The following PRKN variants were observed in gnomAD, a reference collection of about 807,000 sequenced individuals.
PRKN encodes E3 ubiquitin-protein ligase parkin.
PRKN carries 56 observed loss-of-function variants against 59.5 expected under a neutral mutation model. That is an observed-to-expected ratio of 0.94 (90% CI 0.76 to 1.18). PRKN has a LOEUF of 1.18. Ranked by LOEUF, PRKN falls within the 50% of genes most tolerant of loss-of-function variation. The probability of loss-of-function intolerance (pLI) is 0.00; values close to 1 mark genes in which losing one functional copy is unlikely to be tolerated. For missense variants in PRKN, 657 were observed against 596.4 expected, an observed-to-expected ratio of 1.10 and a Z score of -1.06; for synonymous variants, 250 against 222.1, an observed-to-expected ratio of 1.13 and a Z score of -1.12.
intron 9 of PRKN, among the ~76,000 whole-genome samples, chr6:161,505,034 A>T (rs1175415164): frequency 5.9e-5 from 9 of 151,530 alleles, no homozygotes; most frequent in Admixed American, 3.9e-4. Context: ...CTTTGGGTGT[A>T]TATCCAGTAA....
chr6:162,062,269 C>T (rs1333771953), intron 4 of PRKN, among the ~76,000 whole-genome samples: 1 of 152,090 alleles, frequency 6.6e-6, no homozygotes, highest in African/African-American at 2.4e-5. Flanking sequence ...ATAAATGCAA[C>T]AACATTAACA....
chr6:162,423,352 C>T (rs1789074233), intron 2 of PRKN, among the ~76,000 whole-genome samples: 2 of 152,048 alleles, frequency 1.3e-5, no homozygotes, highest in Non-Finnish European at 2.9e-5. Context: ...TAGGAAATTC[C>T]CCAATCCTAG....
chr6:161,932,059 A>G (rs1779185982), intron 6 of PRKN, among the ~76,000 whole-genome samples: 1 of 152,144 alleles, frequency 6.6e-6, no homozygotes, highest in East Asian at 1.9e-4. Flanking sequence ...TTTTAATGCT[A>G]AAGTTCACAG....
chr6:161,609,806 G>A (rs1473688003), intron 7 of PRKN, among the ~76,000 whole-genome samples: 1 of 152,158 alleles, frequency 6.6e-6, no homozygotes, highest in Non-Finnish European at 1.5e-5. Flanking sequence ...AGTGCCTGGG[G>A]GCTGGACTAC....
In PRKN at chr6:161,703,839, C is replaced by CTTTTTTTTT. The variant is rs71004062; in HGVS notation, c.871+81924_871+81932dup. On this transcript the variant is annotated intron_variant, in intron 7 of 11. Coordinates refer to ENST00000366898, the MANE Select transcript of PRKN (RefSeq NM_004562.3). The stretch of plus-strand genomic sequence containing the variant: ...CACACATCTCTCTCTCTCTCTCTCT[C>CTTTTTTTTT]TTTTTTTTTTTTTTTTTTTTTTTTT... Among the ~76,000 whole-genome samples, 10 of 59,856 alleles carry CTTTTTTTTT rather than the reference C, an allele frequency of 1.7e-4. 2 individuals are homozygous for CTTTTTTTTT. The East Asian group carries it at 1.7e-3, about 10-fold the overall frequency. 39.3% of individuals were successfully genotyped at this position (59,856 alleles called of 152,430 possible). A position where few individuals can be genotyped will look rare whatever the true frequency, so the allele number is the denominator to read the frequency against.
At chr6:161,691,509 C>T (rs1785792225) in intron 7 of PRKN, among the ~76,000 whole-genome samples, 1 of 152,216 alleles carries the variant, frequency 6.6e-6, no homozygotes, top group African/African-American at 2.4e-5. Context: ...ATAGGACTTT[C>T]TGCATCTCTG....
intron 7 of PRKN, among the ~76,000 whole-genome samples, chr6:161,688,303 G>A (rs1051026343): frequency 6.6e-6 from 1 of 152,170 alleles, no homozygotes; most frequent in African/African-American, 2.4e-5. Flanking sequence ...GGAAGAAGTG[G>A]CAGCATAGTG....
At chr6:162,650,405 G>A (rs9458635) in intron 1 of PRKN, among the ~76,000 whole-genome samples, 11,944 of 151,608 alleles carry the variant, frequency 0.079, 635 homozygotes, top group East Asian at 0.29. Flanking sequence ...AGACCATCCC[G>A]GCTAAAAACG....
chr6:162,026,402 A>G (rs765855967), intron 5 of PRKN, among the ~76,000 whole-genome samples: 2 of 152,208 alleles, frequency 1.3e-5, no homozygotes, highest in Non-Finnish European at 2.9e-5. Flanking sequence ...AAAGAACCAG[A>G]ATGTAGGTCC....
intron 7 of PRKN, among the ~76,000 whole-genome samples, chr6:161,665,141 C>A (rs764777938): frequency 6.6e-6 from 1 of 151,998 alleles, no homozygotes; most frequent in Non-Finnish European, 1.5e-5. Context: ...AGTAAAAAAA[C>A]CAATGAACAT....
At chr6:162,692,146 A>G (rs1777797944) in intron 1 of PRKN, among the ~76,000 whole-genome samples, 1 of 127,570 alleles carries the variant, frequency 7.8e-6, no homozygotes, top group African/African-American at 2.8e-5. Flanking sequence ...CCTAAAACTT[A>G]AAGTATAATA....
rs893341954 is a variant in PRKN at position 161,454,540 on chromosome 6, T to C, written c.1084-67663A>G. Among the ~76,000 whole-genome samples, 1 of 152,180 alleles carries C rather than the reference T, an allele frequency of 6.6e-6. No homozygotes were observed. The highest frequency in any genetic ancestry group is 1.5e-5 in the Non-Finnish European group (1 of 68,032). ...GGTGTGCTCTCTAACTCAATGATAA[T>C]GATAGTCATGGAAGTTTCTTAATAT... On this transcript the variant is annotated intron_variant, in intron 9 of 11. Coordinates refer to ENST00000366898, the MANE Select transcript of PRKN (RefSeq NM_004562.3). This position sits in a 1 kb window ranked among gnomAD's most constrained non-coding sequence, Gnocchi z 4.6.
At chr6:162,091,957 G>A (rs1030360399) in intron 4 of PRKN, among the ~76,000 whole-genome samples, 5 of 151,984 alleles carry the variant, frequency 3.3e-5, no homozygotes, top group African/African-American at 1.2e-4. Flanking sequence ...GATCCATTGA[G>A]CCCAGGAGGT....
chr6:162,670,861 G>A (rs1779291344), intron 1 of PRKN, among the ~76,000 whole-genome samples: 1 of 152,068 alleles, frequency 6.6e-6, no homozygotes, highest in East Asian at 1.9e-4. Flanking sequence ...AAAATCTATA[G>A]GTAGGCAATT....
intron 2 of PRKN, among the ~76,000 whole-genome samples, chr6:162,390,163 GAA>G (rs1330283593): frequency 6.6e-6 from 1 of 151,910 alleles, no homozygotes; most frequent in Non-Finnish European, 1.5e-5. Context: ...CATAACGTGG[GAA>G]AGAGTCCAGT....
chr6:162,402,728 T>C (rs2128150424), intron 2 of PRKN, among the ~76,000 whole-genome samples: 1 of 151,678 alleles, frequency 6.6e-6, no homozygotes, highest in South Asian at 2.1e-4. Flanking sequence ...TGATCACAGC[T>C]CACCGAAGCC....
intron 2 of PRKN, among the ~76,000 whole-genome samples, chr6:162,273,430 A>G (rs1260821024): frequency 6.6e-6 from 1 of 152,238 alleles, no homozygotes; most frequent in Non-Finnish European, 1.5e-5. Context: ...GTACATAAAT[A>G]AAAGTAGTTC....
chr6:161,894,736 T>A (rs1777550099), intron 6 of PRKN, among the ~76,000 whole-genome samples: 1 of 152,246 alleles, frequency 6.6e-6, no homozygotes, highest in Non-Finnish European at 1.5e-5. Flanking sequence ...CCTAGTGATC[T>A]CTTTTGTATG....
Position 161,419,107 on chromosome 6 carries a change from G to A in PRKN, c.1084-32230C>T, listed in dbSNP as rs1205243299. 6.6e-6 allele frequency among the ~76,000 whole-genome samples: 1 copy of A among 152,164 alleles called. No homozygotes were observed. The highest frequency in any genetic ancestry group is 6.5e-5 in the Admixed American group (1 of 15,274). ...ACACAGTGACACACAAATATGTAAG[G>A]TCATTAGTGTTCACTAAATGCGTAG... On this transcript the variant is annotated intron_variant, in intron 9 of 11. Transcript: ENST00000366898. The surrounding 1 kb of genome is among the most constrained non-coding windows in gnomAD (Gnocchi z 4.1).
Sources: allele counts gnomAD v4.1 joint callset (sites outside exome capture counted in the v4.1 genomes callset), GRCh38; gene constraint gnomAD v4.1.1; non-coding constraint Gnocchi (gnomAD v3.1); transcripts MANE v1.5; gene names NCBI Gene and HGNC (gene_info 2026-07-23, HGNC 2026-07-21).